Variants in PTPRD observed in about 807,000 individuals in gnomAD.
The protein encoded by PTPRD is protein tyrosine phosphatase receptor type D.
Under a neutral mutation model 214.5 loss-of-function variants are expected in PTPRD, and 34 were observed. That is an observed-to-expected ratio of 0.16 (90% CI 0.12 to 0.21). The LOEUF is 0.21. Among genes scored for constraint, PTPRD ranks in the 10% least tolerant of loss-of-function variants. The pLI is 1.00. For missense variants in PTPRD, 2,545 were observed against 2,398.7 expected (o/e 1.06, Z -1.27); for synonymous variants, 1,128 against 845.7 (o/e 1.33, Z -5.79).
chr9:9,678,849 G>C (rs1412582223), intron 7 of PTPRD, among the ~76,000 whole-genome samples: 1 of 151,878 alleles, frequency 6.6e-6, no homozygotes, highest in Non-Finnish European at 1.5e-5. Flanking sequence ...ATCAAGGGTA[G>C]TCAGAGAAAC....
chr9:8,512,434 T>C (rs999342038), intron 21 of PTPRD, among the ~76,000 whole-genome samples: 2 of 152,056 alleles, frequency 1.3e-5, no homozygotes, highest in East Asian at 1.9e-4. Flanking sequence ...AGCATTTAAA[T>C]TGGACTCATA....
intron 12 of PTPRD, among the ~76,000 whole-genome samples, chr9:8,661,360 T>A (rs1357860553): frequency 6.6e-6 from 1 of 151,982 alleles, no homozygotes; most frequent in Non-Finnish European, 1.5e-5. Context: ...TATTTCTCAT[T>A]ACCAATTATA....
chr9:10,317,532 A>C (rs1017681419), intron 3 of PTPRD, among the ~76,000 whole-genome samples: 7 of 151,996 alleles, frequency 4.6e-5, no homozygotes, highest in Non-Finnish European at 1.0e-4. Context: ...TAACACAGCA[A>C]GTTTAAAAGA....
At chr9:8,612,368 G>C (rs1484757885) in intron 14 of PTPRD, among the ~76,000 whole-genome samples, 1 of 152,168 alleles carries the variant, frequency 6.6e-6, no homozygotes, top group Non-Finnish European at 1.5e-5. Flanking sequence ...AAGATTAAAT[G>C]TATGAATTTG....
At chr9:9,696,055 G>A (rs1051824363) in intron 7 of PTPRD, among the ~76,000 whole-genome samples, 9 of 151,976 alleles carry the variant, frequency 5.9e-5, no homozygotes, top group African/African-American at 2.2e-4. Flanking sequence ...TTTTATTACA[G>A]CTTCGACCTT....
At chr9:9,124,594 A>G (rs548355349) in intron 10 of PTPRD, among the ~76,000 whole-genome samples, 8 of 152,278 alleles carry the variant, frequency 5.3e-5, no homozygotes, top group African/African-American at 1.9e-4. Context: ...ACAAAGAACT[A>G]ACAAAACCGA....
intron 9 of PTPRD, among the ~76,000 whole-genome samples, chr9:9,362,097 T>C (rs1044067393): frequency 1.3e-5 from 2 of 151,140 alleles, no homozygotes; most frequent in African/African-American, 2.4e-5. Flanking sequence ...TTCTATAATA[T>C]TGTTAATTCC....
intron 5 of PTPRD, among the ~76,000 whole-genome samples, chr9:9,829,162 T>C (rs1336534543): frequency 6.6e-6 from 1 of 151,938 alleles, no homozygotes; most frequent in Non-Finnish European, 1.5e-5. Flanking sequence ...GAACATTGTA[T>C]TAAAAGTTAG....
chr9:9,200,710 T>G (rs1349986058), intron 9 of PTPRD, among the ~76,000 whole-genome samples: 1 of 152,208 alleles, frequency 6.6e-6, no homozygotes, highest in Non-Finnish European at 1.5e-5. Context: ...AAAAGTGGAT[T>G]CCTTAAGAGG....
chr9:10,037,277 C>T (rs1359168704), intron 3 of PTPRD, among the ~76,000 whole-genome samples: 1 of 152,040 alleles, frequency 6.6e-6, no homozygotes, highest in Non-Finnish European at 1.5e-5. Flanking sequence ...GGAGGTGGGG[C>T]CTGGTGGGAG....
At chr9:9,355,286 A>G (rs1406698134) in intron 9 of PTPRD, among the ~76,000 whole-genome samples, 2 of 151,770 alleles carry the variant, frequency 1.3e-5, no homozygotes, top group Non-Finnish European at 2.9e-5. Flanking sequence ...AGAATGAATT[A>G]TAATGGTACA....
At chr9:10,538,749 T>A (rs2058447547) in intron 2 of PTPRD, among the ~76,000 whole-genome samples, 1 of 152,284 alleles carries the variant, frequency 6.6e-6, no homozygotes, top group South Asian at 2.1e-4. Context: ...TGAGACATTA[T>A]CTTATTTTTT....
At chr9:9,523,572 C>T (rs1236354891) in intron 8 of PTPRD, among the ~76,000 whole-genome samples, 6 of 152,186 alleles carry the variant, frequency 3.9e-5, no homozygotes, top group Non-Finnish European at 7.3e-5. Context: ...TTCCCTTCCT[C>T]ACAGAAGTCT....
chr9:9,190,287 A>C (rs2099934304), intron 9 of PTPRD, among the ~76,000 whole-genome samples: 1 of 151,996 alleles, frequency 6.6e-6, no homozygotes, highest in Admixed American at 6.6e-5. Context: ...CTCAATTTGA[A>C]TTGTATCTCC....
intron 11 of PTPRD, among the ~76,000 whole-genome samples, chr9:8,840,618 G>T (rs2097539463): frequency 6.6e-6 from 1 of 152,172 alleles, no homozygotes; most frequent in East Asian, 1.9e-4. Flanking sequence ...CAAATGGGAT[G>T]ATTTATATTT....
intron 7 of PTPRD, among the ~76,000 whole-genome samples, chr9:9,707,302 T>G (rs549596017): frequency 1.3e-5 from 2 of 152,362 alleles, no homozygotes; most frequent in East Asian, 3.9e-4. Flanking sequence ...CCTATCTATT[T>G]TGGGGCCTTA....
intron 11 of PTPRD, among the ~76,000 whole-genome samples, chr9:8,894,131 A>T (rs957926701): frequency 6.6e-6 from 1 of 152,134 alleles, no homozygotes; most frequent in Admixed American, 6.6e-5. Flanking sequence ...AGGCGGGTGG[A>T]TCACCTGAGG....
intron 11 of PTPRD, among the ~76,000 whole-genome samples, chr9:8,891,200 C>T (rs2098537028): frequency 7.0e-6 from 1 of 142,860 alleles, no homozygotes; most frequent in South Asian, 2.2e-4. Flanking sequence ...GTGGTGCGAT[C>T]TCCACTCACT....
At chr9:10,031,990 G>T (rs1017220000) in intron 4 of PTPRD, among the ~76,000 whole-genome samples, 19 of 152,048 alleles carry the variant, frequency 1.2e-4, no homozygotes, top group Non-Finnish European at 2.5e-4. Context: ...TTTAATGTAG[G>T]CTGCCTAGTC....
Sources: gnomAD v4.1 joint callset for allele counts (sites outside exome capture counted in the v4.1 genomes callset) on GRCh38, gnomAD v4.1.1 for gene constraint, MANE v1.5 for transcripts, NCBI Gene and HGNC (gene_info 2026-07-23, HGNC 2026-07-21) for gene names.